CDKN2B-AS1: variants seen among roughly 807,000 people sequenced by gnomAD.
The protein encoded by CDKN2B-AS1 is CDKN2B antisense RNA 1 (non-protein coding).
chr9:22,098,093 A>G (rs1326329613), intron 4 of CDKN2B-AS1, among the ~76,000 whole-genome samples: 1 of 152,116 alleles, frequency 6.6e-6, no homozygotes, highest in African/African-American at 2.4e-5. Flanking sequence ...TATTTAGTGA[A>G]AAAACACCAG....
At chr9:22,045,722 G>C (rs2131271958) in intron 1 of CDKN2B-AS1, among the ~76,000 whole-genome samples, 1 of 151,998 alleles carries the variant, frequency 6.6e-6, no homozygotes, top group South Asian at 2.1e-4. Context: ...TAACCTTGGG[G>C]GTCATATTCT....
chr9:22,046,861 G>C (rs1202138134), exon 2 of CDKN2B-AS1: 1 of 152,062 alleles, frequency 6.6e-6, no homozygotes, highest in Non-Finnish European at 1.5e-5. Context: ...TTAAAGAATT[G>C]AAAAACACAC....
At chr9:22,098,159 G>C (rs77217598) in intron 4 of CDKN2B-AS1, among the ~76,000 whole-genome samples, 46 of 123,504 alleles carry the variant, frequency 3.7e-4, no homozygotes, top group South Asian at 1.2e-3. Context: ...CTCTGTCTCT[G>C]TGTGTGTGTG....
chr9:22,105,660 G>A (rs1411194608), intron 4 of CDKN2B-AS1, among the ~76,000 whole-genome samples: 2 of 152,146 alleles, frequency 1.3e-5, no homozygotes, highest in Admixed American at 6.5e-5. Flanking sequence ...TTGTGTTGAG[G>A]TGGTTATAAG....
intron 4 of CDKN2B-AS1, among the ~76,000 whole-genome samples, chr9:22,077,241 T>C (rs1009592855): frequency 6.6e-6 from 1 of 152,134 alleles, no homozygotes; most frequent in South Asian, 2.1e-4. Flanking sequence ...TTAAATAATA[T>C]ACTTCATTTA....
At position 22,070,852 on chromosome 9, in the gene CDKN2B-AS1, T is replaced by C. The variant is rs542439534; in HGVS notation, n.438+14465T>C. On this transcript the variant is annotated intron_variant and non_coding_transcript_variant, in intron 4 of 4. Coordinates refer to ENST00000650946, the Ensembl canonical transcript of CDKN2B-AS1. ...TCAATTAATGCAAATGTAAGTGACCTAAGAGGCATTTTGTTCAGCATAGTT... is the reference window on the plus strand; with the variant it reads ...TCAATTAATGCAAATGTAAGTGACCCAAGAGGCATTTTGTTCAGCATAGTT... Among the ~76,000 whole-genome samples, 7 of 152,296 alleles carry C rather than the reference T, an allele frequency of 4.6e-5. No individual in the cohort carries two copies. In the East Asian group the frequency reaches 1.2e-3, roughly 25 times the overall value.
At chr9:22,008,810 C>G in intron 1 of CDKN2B-AS1, 2 of 1,605,220 alleles carry the variant, frequency 1.2e-6, no homozygotes, top group Non-Finnish European at 1.7e-6. Flanking sequence ...GGATCGCGCG[C>G]CTCCCGAAAC....
intron 1 of CDKN2B-AS1, chr9:22,008,902 G>C: frequency 6.2e-7 from 1 of 1,612,880 alleles, no homozygotes; most frequent in African/African-American, 1.3e-5. Flanking sequence ...GCGCTGGCCA[G>C]ACCCTCATCG....
intron 4 of CDKN2B-AS1, among the ~76,000 whole-genome samples, chr9:22,101,535 T>C (rs1825485266): frequency 6.6e-6 from 1 of 152,208 alleles, no homozygotes; most frequent in African/African-American, 2.4e-5. Flanking sequence ...AAATATCTAT[T>C]AAAGCTTTGT....
intron 1 of CDKN2B-AS1, among the ~76,000 whole-genome samples, chr9:22,023,809 T>C (rs1200716956): frequency 6.6e-6 from 1 of 152,232 alleles, no homozygotes; most frequent in Non-Finnish European, 1.5e-5. Flanking sequence ...TTCTGTATTC[T>C]AGCTTTTTTA....
chr9:22,035,431 T>G (rs1458721193), intron 1 of CDKN2B-AS1, among the ~76,000 whole-genome samples: 1 of 152,162 alleles, frequency 6.6e-6, no homozygotes, highest in African/African-American at 2.4e-5. Context: ...TTTTCCTTGT[T>G]GGGTAATCGT....
chr9:22,126,895 A>G (rs1181246640), intron 4 of CDKN2B-AS1, among the ~76,000 whole-genome samples: 10 of 152,102 alleles, frequency 6.6e-5, no homozygotes, highest in South Asian at 2.1e-4. Context: ...AACAGTGATT[A>G]AAACAGAAGG....
intron 4 of CDKN2B-AS1, among the ~76,000 whole-genome samples, chr9:22,079,654 C>CAG (rs1034024418): frequency 2.6e-5 from 4 of 152,130 alleles, no homozygotes; most frequent in African/African-American, 9.7e-5. Flanking sequence ...CTCTGAGATA[C>CAG]AGACCAAAAG....
In CDKN2B-AS1 at chr9:22,005,806, A is replaced by C. The variant is rs1325491149; in HGVS notation, n.29+10645A>C. 15 of 764,292 alleles carry C rather than the reference A, an allele frequency of 2.0e-5. No individual in the cohort carries two copies. Among genetic ancestry groups the C allele is most frequent in the African/African-American group, 3.5e-5 (2 of 57,394 alleles). 47.3% of individuals were successfully genotyped at this position (764,292 alleles called of 1,614,324 possible). A position where few individuals can be genotyped will look rare whatever the true frequency, so the allele number is the denominator to read the frequency against. On this transcript the variant is annotated intron_variant and non_coding_transcript_variant, in intron 1 of 4. Coordinates refer to ENST00000650946, the Ensembl canonical transcript of CDKN2B-AS1. This position sits in a 1 kb window ranked among gnomAD's most constrained non-coding sequence, Gnocchi z 4.9. ...GAGTGTCGAGGGCCAGATAAGACAA[A>C]GAAAAAAATGTATGGAAGGTTATTC...
rs746854404 is a variant in CDKN2B-AS1, at chr9:22,006,043, C to T, written n.29+10882C>T. 1.6e-5 allele frequency: 26 copies of T among 1,604,814 alleles called. No homozygotes were observed. The highest frequency in any genetic ancestry group is 2.2e-5 in the Non-Finnish European group (26 of 1,179,510). ...GCAACGTCGCGGTGGCCCCGCTCCT[C>T]GGCCAAGTCCACGGGCAGACGACCC... On this transcript the variant is annotated intron_variant and non_coding_transcript_variant, in intron 1 of 4. Coordinates refer to ENST00000650946, the Ensembl canonical transcript of CDKN2B-AS1. This position sits in a 1 kb window ranked among gnomAD's most constrained non-coding sequence, Gnocchi z 6.4.
At chr9:22,049,412 C>T (rs1417621571) in intron 3 of CDKN2B-AS1, among the ~76,000 whole-genome samples, 1 of 152,120 alleles carries the variant, frequency 6.6e-6, no homozygotes, top group Non-Finnish European at 1.5e-5. Context: ...AAATGCAGCC[C>T]TTTAAATCTG....
chr9:22,010,351 G>A (rs1430450244), intron 1 of CDKN2B-AS1, among the ~76,000 whole-genome samples: 2 of 152,166 alleles, frequency 1.3e-5, no homozygotes, highest in Admixed American at 6.5e-5. Context: ...GCAAGTTATG[G>A]ATTTGTTGCC....
intron 1 of CDKN2B-AS1, among the ~76,000 whole-genome samples, chr9:22,040,070 A>C (rs537118831): frequency 6.6e-6 from 1 of 152,152 alleles, no homozygotes; most frequent in Non-Finnish European, 1.5e-5. Flanking sequence ...TGTAGCCTTG[A>C]GGGAGAGGAT....
chr9:22,070,815 A>C (rs1010868183), intron 4 of CDKN2B-AS1, among the ~76,000 whole-genome samples: 1 of 152,226 alleles, frequency 6.6e-6, no homozygotes, highest in African/African-American at 2.4e-5. Flanking sequence ...ACATTAACAG[A>C]AGCTCATAGA....
Sources: allele counts gnomAD v4.1 joint callset (sites outside exome capture counted in the v4.1 genomes callset), GRCh38; gene constraint gnomAD v4.1.1; non-coding constraint Gnocchi (gnomAD v3.1); transcripts MANE v1.5; gene names NCBI Gene and HGNC (gene_info 2026-07-23, HGNC 2026-07-21).